The following PTH2R variants were observed in gnomAD, a reference collection of about 807,000 sequenced individuals.
PTH2R encodes the protein PTH2 receptor.
A neutral mutation model predicts 60.3 loss-of-function variants in PTH2R; 59 were observed. The ratio of observed to expected loss-of-function variants is 0.98; its 90% confidence interval spans 0.79 to 1.22. PTH2R has a LOEUF of 1.22. Among genes scored for constraint, PTH2R ranks in the 50% most tolerant of loss-of-function variants. The probability of loss-of-function intolerance (pLI) is 0.00; values close to 1 mark genes in which losing one functional copy is unlikely to be tolerated. For synonymous variants in PTH2R, 256 were observed against 243.8 expected (o/e 1.05, Z -0.47); for missense variants, 749 against 682.6 (o/e 1.10, Z -1.08).
chr2:208,417,541 CTTTTTTTTTTTTTTTTTT>C (rs56354728), intron 1 of PTH2R, among the ~76,000 whole-genome samples: 37 of 87,914 alleles, frequency 4.2e-4, no homozygotes, highest in African/African-American at 1.3e-3. Flanking sequence ...AGGTGGGAAT[CTTTTTTTTTTTTTTTTTT>C]TTTTTTTTTT....
chr2:208,454,989 C>T (rs142551082), intron 8 of PTH2R, among the ~76,000 whole-genome samples: 10 of 152,310 alleles, frequency 6.6e-5, no homozygotes, highest in African/African-American at 2.4e-4. Context: ...TCTTTAGGTG[C>T]AGCCTTCCTC....
chr2:208,467,991 C>G (rs932829817), intron 9 of PTH2R, among the ~76,000 whole-genome samples: 4 of 152,142 alleles, frequency 2.6e-5, no homozygotes, highest in African/African-American at 4.8e-5. Flanking sequence ...TTGTATTTGG[C>G]CTCACACCGT....
At chr2:208,362,931 T>C (rs1405059572) in intron 1 of PTH2R, among the ~76,000 whole-genome samples, 1 of 152,158 alleles carries the variant, frequency 6.6e-6, no homozygotes, top group Non-Finnish European at 1.5e-5. Flanking sequence ...TCTCTGATAA[T>C]TGCTGGTGTT....
intron 2 of PTH2R, among the ~76,000 whole-genome samples, chr2:208,430,546 C>CT (rs760898660): frequency 0.12 from 14,748 of 118,164 alleles, 1,036 homozygotes; most frequent in African/African-American, 0.18. Flanking sequence ...TGTCTGGCTT[C>CT]TTTTTTTTTT....
intron 1 of PTH2R, among the ~76,000 whole-genome samples, chr2:208,401,159 A>T (rs564862325): frequency 6.8e-4 from 104 of 152,356 alleles, no homozygotes; most frequent in African/African-American, 2.3e-3. Flanking sequence ...TCATATTCCC[A>T]TAAACATTGA....
rs1408150051 is a variant in PTH2R, at chr2:208,481,164, G to C, written c.1076G>C (p.Arg359Thr). 2 of 1,590,044 alleles carry C rather than the reference G, an allele frequency of 1.3e-6. No homozygotes were observed. Among genetic ancestry groups the C allele is most frequent in the South Asian group, 2.3e-5 (2 of 88,874 alleles). ...GGGCATGACACAAGGAAGCAATACA[G>C]GTAATTTCAGGAGAGGCATCCATCA... ...AVGHDTRKQY[R>T]KLAKSTLVLV... The change falls in exon 10 of 13, where the codon AGG (arginine) becomes ACG (threonine). Residue 359 changes from arginine to threonine, a missense_variant and splice_region_variant. Coordinates refer to ENST00000272847, the MANE Select transcript of PTH2R (RefSeq NM_005048.4).
At chr2:208,432,303 G>A (rs1024308140) in intron 2 of PTH2R, among the ~76,000 whole-genome samples, 1 of 152,152 alleles carries the variant, frequency 6.6e-6, no homozygotes, top group Non-Finnish European at 1.5e-5. Flanking sequence ...TTTTCCCTGT[G>A]GGGTTAATGG....
intron 12 of PTH2R, among the ~76,000 whole-genome samples, 173 bp downstream of exon 12, chr2:208,490,853 A>G (rs78590944): frequency 0.019 from 2,870 of 152,328 alleles, 101 homozygotes; most frequent in African/African-American, 0.065. Context: ...CAAATAACCT[A>G]AAGTCTTCCT....
intron 8 of PTH2R, among the ~76,000 whole-genome samples, chr2:208,452,383 T>C (rs553888538): frequency 2.6e-5 from 4 of 152,258 alleles, no homozygotes; most frequent in Admixed American, 6.5e-5. Context: ...TTTGGCTTCA[T>C]TAATTTGTAT....
intron 8 of PTH2R, among the ~76,000 whole-genome samples, chr2:208,459,589 G>A (rs1182181031): frequency 2.6e-5 from 4 of 152,100 alleles, no homozygotes; most frequent in African/African-American, 9.7e-5. Flanking sequence ...TCAGTTGTAT[G>A]ACATTTAGAA....
intron 1 of PTH2R, among the ~76,000 whole-genome samples, chr2:208,400,911 G>A (rs1362653630): frequency 6.6e-6 from 1 of 152,128 alleles, no homozygotes; most frequent in Non-Finnish European, 1.5e-5. Flanking sequence ...AGCTCTGTTT[G>A]TGGAGAGAAT....
At chr2:208,423,130 C>G (rs1001562246) in intron 1 of PTH2R, among the ~76,000 whole-genome samples, 7 of 151,618 alleles carry the variant, frequency 4.6e-5, no homozygotes, top group Non-Finnish European at 1.0e-4. Flanking sequence ...TTTCTACTTG[C>G]TTTGGTTTTA....
At chr2:208,378,612 A>G (rs1700855105) in intron 1 of PTH2R, among the ~76,000 whole-genome samples, 1 of 151,956 alleles carries the variant, frequency 6.6e-6, no homozygotes, top group South Asian at 2.1e-4. Flanking sequence ...GAGCCCTTTC[A>G]CCCTTTTCTA....
intron 1 of PTH2R, among the ~76,000 whole-genome samples, chr2:208,391,228 G>A (rs767643425): frequency 7.2e-5 from 11 of 152,152 alleles, no homozygotes; most frequent in Non-Finnish European, 1.0e-4. Flanking sequence ...TAGCTTAGAC[G>A]TTTCTCGATT....
In PTH2R at chr2:208,458,745, C is replaced by T. The variant is rs536199734; in HGVS notation, c.915-1150C>T. ...TTAGTTTGCTAAGGATGATAGCCTC[C>T]AGCTCCATCCATGTTCCTGCAAAAG... is the stretch of plus-strand genomic sequence containing the variant. On this transcript the variant is annotated intron_variant, in intron 8 of 12. Transcript: ENST00000272847. Among the ~76,000 whole-genome samples the T allele has an allele frequency of 2.1e-4, 32 of 152,234 alleles. 1 individual carries two copies. The South Asian group carries it at 3.3e-3, about 16-fold the overall frequency.
chr2:208,412,072 T>G, intron 1 of PTH2R, among the ~76,000 whole-genome samples: 1 of 152,256 alleles, frequency 6.6e-6, no homozygotes, highest in Non-Finnish European at 1.5e-5. Context: ...TTCTCTTCCT[T>G]TTATTTCTTA....
At chr2:208,416,148 A>G (rs1439355987) in intron 1 of PTH2R, among the ~76,000 whole-genome samples, 1 of 152,170 alleles carries the variant, frequency 6.6e-6, no homozygotes, top group Non-Finnish European at 1.5e-5. Flanking sequence ...CTTGAAAAAT[A>G]GTCTGTGTGG....
rs377752899 is a variant in PTH2R, at chr2:208,428,772, A to G, written c.178+469A>G. ...TTTATGATCAGAGAATGTGGTCTGC[A>G]TGATACTGAGTTTTAAAAATGTGTT... is the stretch of plus-strand genomic sequence containing the variant. On this transcript the variant is annotated intron_variant, in intron 2 of 12. Transcript: ENST00000272847. 3.2e-4 allele frequency among the ~76,000 whole-genome samples: 48 copies of G among 152,344 alleles called. No individual in the cohort carries two copies. The South Asian group carries it at 9.7e-3, about 31-fold the overall frequency.
At chr2:208,466,846 T>C (rs1175811751) in intron 9 of PTH2R, among the ~76,000 whole-genome samples, 6 of 152,256 alleles carry the variant, frequency 3.9e-5, no homozygotes, top group Non-Finnish European at 8.8e-5. Flanking sequence ...AGGTTGCCTT[T>C]TCACTCTATT....
Sources: allele counts gnomAD v4.1 joint callset (sites outside exome capture counted in the v4.1 genomes callset), GRCh38; gene constraint gnomAD v4.1.1; transcripts MANE v1.5; gene names NCBI Gene and HGNC (gene_info 2026-07-23, HGNC 2026-07-21).